The following RYR1 variants were observed in gnomAD, a reference collection of about 807,000 sequenced individuals.
The protein encoded by RYR1 is central core disease of muscle.
In RYR1, 342 loss-of-function variants were observed where a neutral mutation model predicts 583.5. The ratio of observed to expected loss-of-function variants is 0.59; its 90% CI spans 0.54 to 0.64. RYR1 has a LOEUF of 0.64. Ranked by LOEUF, RYR1 falls within the 30% of genes least tolerant of loss-of-function variation. The pLI is 0.00. For missense variants in RYR1, 6,032 were observed against 6,917.2 expected, an observed-to-expected ratio of 0.87 and a Z score of 4.54; for synonymous variants, 2,791 against 2,822.5, an observed-to-expected ratio of 0.99 and a Z score of 0.35.
At position 38,499,717 on chromosome 19, in the gene RYR1, T is replaced by A. The variant is rs1970014733; in HGVS notation, c.7110T>A (p.Gly2370=). The A allele has an allele frequency of 6.2e-7, 1 of 1,601,258 alleles. No homozygotes were observed. Among genetic ancestry groups the A allele is most frequent in the Non-Finnish European group, 8.5e-7 (1 of 1,179,584 alleles). ...KPECFGPALR[G]EGGSGLLAAI... The stretch of plus-strand genomic sequence containing the variant: ...AGTGCTTCGGACCCGCCCTGCGGGG[T>A]GAGGGTGGCTCAGGGCTGCTGGCTG... Residue 2370 remains glycine (G), a synonymous_variant, in exon 44 of 106, where the codon GGT becomes GGA. Transcript: ENST00000359596. The surrounding 1 kb of genome is among the most constrained non-coding windows in gnomAD (Gnocchi z 7.3).
chr19:38,534,053 G>A (rs1243812142), intron 78 of RYR1, among the ~76,000 whole-genome samples: 1 of 148,618 alleles, frequency 6.7e-6, no homozygotes, highest in Non-Finnish European at 1.5e-5. Context: ...TGTCGCCCAG[G>A]CTGGATGGAG....
chr19:38,537,118 C>T, intron 83 of RYR1: 1 of 411,170 alleles, frequency 2.4e-6, no homozygotes, highest in South Asian at 2.7e-5. Context: ...TGGAGTGATC[C>T]CCACTCCCAC....
intron 52 of RYR1, 56 bp downstream of exon 52, chr19:38,505,137 G>A (rs1012442746): frequency 3.8e-5 from 58 of 1,522,424 alleles, no homozygotes; most frequent in South Asian, 2.3e-4. Flanking sequence ...CTTTCCCCCC[G>A]ACCTGGTTCT....
chr19:38,469,300 A>G lies in RYR1; in HGVS notation c.3557-5A>G, dbSNP rs1172235422. On this transcript the variant is annotated splice_region_variant and splice_polypyrimidine_tract_variant and intron_variant, in intron 26 of 105. Transcript: ENST00000359596. ...CACCCCTGCCCATCCATCCCCTCCC[A>G]CCAGGCTTCCTGCCCGTCTGCAGCT... 9.9e-6 allele frequency: 16 copies of G among 1,612,742 alleles called. No homozygotes were observed. Among genetic ancestry groups the G allele is most frequent in the African/African-American group, 1.3e-5 (1 of 74,640 alleles).
rs1227202568 is a variant in RYR1 at position 38,565,487 on chromosome 19, G to T, written c.13153G>T (p.Asp4385Tyr). ...GACCGAGCTCCTGGCAGGCATGCCCGACCCCACCAGCGACGAGGTGCACGG... is the reference window on the plus strand; with the variant it reads ...GACCGAGCTCCTGGCAGGCATGCCCTACCCCACCAGCGACGAGGTGCACGG... ...TVTELLAGMPDPTSDEVHGEQ... is the reference protein window; with the variant it reads ...TVTELLAGMPYPTSDEVHGEQ... The change falls in exon 91 of 106, where the codon GAC (aspartate) becomes TAC (tyrosine). Residue 4385 changes from aspartate (D) to tyrosine (Y), a missense_variant. Asp to Tyr is a radical substitution (Grantham distance 160). This residue lies in a region of RYR1 where 753 missense variants were observed against 759.6 expected (regional missense o/e 0.99). Transcript: ENST00000359596. The surrounding 1 kb of genome is among the most constrained non-coding windows in gnomAD (Gnocchi z 4.7). The T allele has an allele frequency of 6.6e-7, 1 of 1,505,468 alleles. No individual in the cohort carries two copies. The highest frequency in any genetic ancestry group is 8.8e-7 in the Non-Finnish European group (1 of 1,134,630). 93.3% of individuals were successfully genotyped at this position (1,505,468 alleles called of 1,614,324 possible).
intron 71 of RYR1, among the ~76,000 whole-genome samples, 193 bp from the exon 72 acceptor site, chr19:38,526,798 CTG>C (rs1028375276): frequency 9.2e-5 from 14 of 152,150 alleles, no homozygotes; most frequent in African/African-American, 2.9e-4. Flanking sequence ...CAAGGTGACT[CTG>C]TGACCCTCCG....
Position 38,444,597 on chromosome 19 carries a change from C to G in RYR1, c.551C>G (p.Ala184Gly). ...GGTGGCCCCCAGCACCTGTCGACCG[C>G]CAGTGGGGAGCTCCAGGTTGACGCT... is the stretch of plus-strand genomic sequence containing the variant. ...SSERYLHLST[A>G]SGELQVDASF... The change falls in exon 7 of 106, where the codon GCC becomes GGC. Residue 184 changes from alanine to glycine, a missense_variant. Coordinates refer to ENST00000359596, the MANE Select transcript of RYR1 (RefSeq NM_000540.3). The surrounding 1 kb of genome is among the most constrained non-coding windows in gnomAD (Gnocchi z 5.1). The G allele has an allele frequency of 6.2e-7, 1 of 1,613,884 alleles. No individual in the cohort carries two copies. Among genetic ancestry groups the G allele is most frequent in the Non-Finnish European group, 8.5e-7 (1 of 1,179,932 alleles).
chr19:38,571,988 A>T (rs764671185), intron 94 of RYR1, 31 bp from the exon 95 acceptor site: 1 of 1,613,492 alleles, frequency 6.2e-7, no homozygotes, highest in South Asian at 1.1e-5. Context: ...CATGTGGCAG[A>T]CCCACAGATG....
In RYR1 at chr19:38,546,516, G is replaced by A. The variant is rs571477269; in HGVS notation, c.12084G>A (p.Ser4028=). ...AGGACATGGTGGTGATGTTGCTGTC[G>A]CTACTAGAAGGTAAACACCCAGGAG... ...LQKDMVVMLL[S]LLEGNVVNGM... Residue 4028 remains serine, a synonymous_variant, in exon 88 of 106, where the codon TCG becomes TCA. Transcript: ENST00000359596. 1.4e-5 allele frequency: 22 copies of A among 1,613,168 alleles called. No individual in the cohort carries two copies. In the East Asian group the frequency reaches 2.7e-4, roughly 20 times the overall value.
At chr19:38,566,073 C>T (rs970370600) in intron 91 of RYR1, among the ~76,000 whole-genome samples, 1 of 151,138 alleles carries the variant, frequency 6.6e-6, no homozygotes, top group African/African-American at 2.4e-5. Context: ...GGACAGAGTG[C>T]AGGGCCCGGA....
intron 21 of RYR1, 55 bp from the exon 22 acceptor site, chr19:38,463,692 G>C (rs1338161474): frequency 1.3e-6 from 2 of 1,550,818 alleles, no homozygotes; most frequent in African/African-American, 2.7e-5. Context: ...GTCTGGGCAT[G>C]TGGGGAGTGG....
intron 3 of RYR1, among the ~76,000 whole-genome samples, chr19:38,442,690 G>A (rs1265868925): frequency 1.3e-5 from 2 of 152,142 alleles, no homozygotes; most frequent in African/African-American, 4.8e-5. Context: ...CCGTCTCTCA[G>A]GCCCACGCCC....
chr19:38,505,808 C>A lies in RYR1; in HGVS notation c.8403C>A (p.Asp2801Glu). The A allele has an allele frequency of 6.2e-7, 1 of 1,614,070 alleles. No individual in the cohort carries two copies. Among genetic ancestry groups the A allele is most frequent in the Non-Finnish European group, 8.5e-7 (1 of 1,180,006 alleles). The change falls in exon 54 of 106, where the codon GAC (aspartate) becomes GAA (glutamate). Residue 2801 changes from aspartate (D) to glutamate (E), a missense_variant and splice_region_variant. Physicochemically the swap from Asp to Glu is conservative, Grantham distance 45 (BLOSUM62 2). This residue lies in a region of RYR1 where 1,493 missense variants were observed against 1,715.5 expected (regional missense o/e 0.87). Coordinates refer to ENST00000359596, the MANE Select transcript of RYR1 (RefSeq NM_000540.3). ...LRPYKTFSEK[D>E]KEIYRWPIKE... The stretch of plus-strand genomic sequence containing the variant: ...CCCCACCCTCCTGTCCACCCCAGGA[C>A]AAAGAGATTTACCGCTGGCCCATCA...
Position 38,469,150 on chromosome 19 carries a change from G to A in RYR1, c.3556+10G>A. The A allele has an allele frequency of 1.9e-6, 3 of 1,614,136 alleles. No homozygotes were observed. Among genetic ancestry groups the A allele is most frequent in the Non-Finnish European group, 2.5e-6 (3 of 1,180,004 alleles). ...ATTGAGATTGGGGACGGTGAGGGCT[G>A]AGACCCCTTCACATGCCCTTTCTTG... On this transcript the variant is annotated intron_variant, in intron 26 of 105. Transcript: ENST00000359596.
chr19:38,504,446 TG>T (rs1641516820), intron 50 of RYR1, 86 bp downstream of exon 50: 70 of 1,542,054 alleles, frequency 4.5e-5, no homozygotes, highest in Non-Finnish European at 5.7e-5. Context: ...CCCTCAATTT[TG>T]GGGGGTTCAA....
intron 18 of RYR1, 29 bp from the exon 19 acceptor site, chr19:38,459,117 G>A (rs753013626): frequency 1.1e-5 from 18 of 1,602,786 alleles, no homozygotes; most frequent in Middle Eastern, 2.1e-4. Flanking sequence ...GACCTGTGAC[G>A]TCTGACCCAT....
rs1380000492 is a variant in RYR1, at chr19:38,448,458, G to A, written c.904G>A (p.Asp302Asn). Residue 302 changes from aspartate to asparagine, a missense_variant, in exon 10 of 106, where the codon GAC becomes AAC. Physicochemically the swap from Asp to Asn is conservative, Grantham distance 23. Around this residue, in one of 11 missense-constraint regions of RYR1, gnomAD observed 338 missense variants for 441.6 expected, o/e 0.77. Transcript: ENST00000359596. The stretch of plus-strand genomic sequence containing the variant: ...CGAGGACCAGGGCCTGGTGGTGGTT[G>A]ACGCCAGCAAGGCTCACACCAAGGC... ...LTEDQGLVVVDASKAHTKATS... is the reference protein window; with the variant it reads ...LTEDQGLVVVNASKAHTKATS... 1 of 1,613,904 alleles carries A rather than the reference G, an allele frequency of 6.2e-7. No homozygotes were observed. Among genetic ancestry groups the A allele is most frequent in the African/African-American group, 1.3e-5 (1 of 75,016 alleles).
At chr19:38,551,722 TCCCTCCCCAAC>T (rs1301240905) in intron 89 of RYR1, among the ~76,000 whole-genome samples, 1 of 151,966 alleles carries the variant, frequency 6.6e-6, no homozygotes, top group Non-Finnish European at 1.5e-5. Context: ...CCTTTTCGTT[TCCCTCCCCAAC>T]CCTGAGGGGC....
intron 1 of RYR1, among the ~76,000 whole-genome samples, chr19:38,434,995 C>G (rs1263408768): frequency 6.6e-6 from 1 of 152,154 alleles, no homozygotes; most frequent in African/African-American, 2.4e-5. Flanking sequence ...TAGCTTCAGC[C>G]GAGACTCTCT....
Sources: allele counts gnomAD v4.1 joint callset (sites outside exome capture counted in the v4.1 genomes callset), GRCh38; gene constraint gnomAD v4.1.1; regional missense constraint gnomAD v4.1.1; non-coding constraint Gnocchi (gnomAD v3.1); transcripts MANE v1.5; gene names NCBI Gene and HGNC (gene_info 2026-07-23, HGNC 2026-07-21).